The following TIAM1 variants were observed in gnomAD, a reference collection of about 807,000 sequenced individuals.
The protein encoded by TIAM1 is rho guanine nucleotide exchange factor TIAM1.
Under a neutral mutation model 163.5 loss-of-function variants are expected in TIAM1, and 65 were observed. That is an observed-to-expected ratio of 0.40 (90% CI 0.33 to 0.49). TIAM1 has a LOEUF of 0.49. TIAM1 is among the 20% of genes least tolerant of loss of function. The probability of loss-of-function intolerance (pLI) is 0.77; values close to 1 mark genes in which losing one functional copy is unlikely to be tolerated. For synonymous variants in TIAM1, 833 were observed against 810.1 expected, an observed-to-expected ratio of 1.03 and a Z score of -0.48; for missense variants, 1,789 against 2,044.7, an observed-to-expected ratio of 0.87 and a Z score of 2.41.
chr21:31,553,879 C>G (rs2123329254), intron 1 of TIAM1, among the ~76,000 whole-genome samples: 1 of 152,294 alleles, frequency 6.6e-6, no homozygotes, highest in East Asian at 1.9e-4. Context: ...TCCCCTTCCC[C>G]TAGCGAAGAG....
chr21:31,147,778 TTATATTAAA>T (rs2083200812), intron 19 of TIAM1, among the ~76,000 whole-genome samples: 1 of 137,850 alleles, frequency 7.3e-6, no homozygotes, highest in Non-Finnish European at 1.6e-5. Flanking sequence ...TATTAATATA[TTATATTAAA>T]ATATATATAT....
chr21:31,164,546 CAA>C (rs1466176608), intron 16 of TIAM1, among the ~76,000 whole-genome samples: 1 of 152,102 alleles, frequency 6.6e-6, no homozygotes, highest in Non-Finnish European at 1.5e-5. Flanking sequence ...TCACTTTTAA[CAA>C]GAGCTGAATG....
intron 1 of TIAM1, among the ~76,000 whole-genome samples, chr21:31,342,129 T>A (rs1000162743): frequency 6.6e-6 from 1 of 151,874 alleles, no homozygotes; most frequent in Admixed American, 6.6e-5. Flanking sequence ...TTTAATGATC[T>A]AGTATCTATT....
chr21:31,137,214 T>C (rs1331159487), intron 22 of TIAM1, among the ~76,000 whole-genome samples: 1 of 152,238 alleles, frequency 6.6e-6, no homozygotes, highest in East Asian at 1.9e-4. Flanking sequence ...GCAGTTTGGA[T>C]TGCCCTTCTC....
intron 1 of TIAM1, among the ~76,000 whole-genome samples, chr21:31,507,371 A>T: frequency 6.7e-6 from 1 of 150,352 alleles, no homozygotes; most frequent in African/African-American, 2.4e-5. Context: ...TGCCCCGCTA[A>T]TTTTTTTGTA....
At chr21:31,366,977 C>T (rs1347410207) in intron 2 of TIAM1, among the ~76,000 whole-genome samples, 2 of 152,040 alleles carry the variant, frequency 1.3e-5, no homozygotes, top group Non-Finnish European at 2.9e-5. Flanking sequence ...AATCTGTATA[C>T]AAAGGGAATA....
intron 1 of TIAM1, among the ~76,000 whole-genome samples, chr21:31,487,889 G>A (rs181939106): frequency 1.3e-5 from 2 of 151,344 alleles, no homozygotes; most frequent in Admixed American, 6.6e-5. Flanking sequence ...ATGAGGTTTC[G>A]CCATGTTGGC....
rs539428068 is a variant in TIAM1 at position 31,288,473 on chromosome 21, G to A, written c.-188-11565C>T. Among the ~76,000 whole-genome samples, 16 of 152,220 alleles carry A rather than the reference G, an allele frequency of 1.1e-4. No individual in the cohort carries two copies. In the South Asian group the frequency reaches 3.1e-3, roughly 30 times the overall value. On this transcript the variant is annotated intron_variant, in intron 2 of 27. Transcript: ENST00000541036. ...CCTCTCCTGATAGAAAGGGCAAACA[G>A]GCTCCTTCAAGTCTCTTTCATAAGG...
intron 1 of TIAM1, among the ~76,000 whole-genome samples, chr21:31,544,014 A>T (rs145015623): frequency 3.6e-4 from 54 of 151,942 alleles, no homozygotes; most frequent in Non-Finnish European, 5.6e-4. Context: ...GTTCAAGACC[A>T]ACCTGGCGAA....
intron 1 of TIAM1, among the ~76,000 whole-genome samples, chr21:31,339,852 G>C (rs1165896633): frequency 6.6e-6 from 1 of 152,058 alleles, no homozygotes; most frequent in Non-Finnish European, 1.5e-5. Context: ...GCTAACACTT[G>C]TTTTCAAGCA....
intron 1 of TIAM1, among the ~76,000 whole-genome samples, chr21:31,465,433 T>C (rs2045487465): frequency 6.6e-6 from 1 of 151,908 alleles, no homozygotes; most frequent in Non-Finnish European, 1.5e-5. Context: ...GGAACAGCTT[T>C]CAAAGAAAGA....
intron 6 of TIAM1, among the ~76,000 whole-genome samples, chr21:31,232,903 T>C (rs1204655602): frequency 6.6e-6 from 1 of 151,840 alleles, no homozygotes; most frequent in Non-Finnish European, 1.5e-5. Flanking sequence ...CTGGAGATGC[T>C]ATAAATACTG....
chr21:31,345,941 ACT>A (rs1181064151), upstream of TIAM1, among the ~76,000 whole-genome samples: 2 of 152,118 alleles, frequency 1.3e-5, no homozygotes, highest in Non-Finnish European at 2.9e-5. Context: ...ACGGAGTGAG[ACT>A]CTGTCTTGAA....
chr21:31,479,646 C>T (rs912055754), intron 1 of TIAM1, among the ~76,000 whole-genome samples: 1 of 152,098 alleles, frequency 6.6e-6, no homozygotes, highest in Non-Finnish European at 1.5e-5. Context: ...ACAAATCAGG[C>T]CTCTTTATTC....
intron 2 of TIAM1, among the ~76,000 whole-genome samples, chr21:31,393,258 C>T (rs932973607): frequency 1.3e-5 from 2 of 152,238 alleles, no homozygotes; most frequent in African/African-American, 4.8e-5. Flanking sequence ...GCCCAGCCCT[C>T]GCTTTAAAAA....
At chr21:31,540,745 A>C (rs2048297227) in intron 1 of TIAM1, among the ~76,000 whole-genome samples, 1 of 152,174 alleles carries the variant, frequency 6.6e-6, no homozygotes, top group Non-Finnish European at 1.5e-5. Context: ...TTTTGCTCTG[A>C]GGCGTAAGAA....
chr21:31,443,533 T>C (rs762109103), intron 2 of TIAM1, among the ~76,000 whole-genome samples: 2 of 152,208 alleles, frequency 1.3e-5, no homozygotes, highest in Non-Finnish European at 2.9e-5. Context: ...CTCTCTTGCC[T>C]TCCTTGCAAA....
intron 2 of TIAM1, among the ~76,000 whole-genome samples, chr21:31,363,882 A>C (rs1289904146): frequency 6.6e-6 from 1 of 152,070 alleles, no homozygotes; most frequent in Non-Finnish European, 1.5e-5. Flanking sequence ...ATGCAATGAA[A>C]CCACAGGAAA....
At chr21:31,450,695 T>A (rs2044799426) in intron 2 of TIAM1, among the ~76,000 whole-genome samples, 1 of 152,200 alleles carries the variant, frequency 6.6e-6, no homozygotes, top group African/African-American at 2.4e-5. Flanking sequence ...TCCACATGGC[T>A]GGGGAGGCCT....
Sources: allele counts gnomAD v4.1 joint callset (sites outside exome capture counted in the v4.1 genomes callset), GRCh38; gene constraint gnomAD v4.1.1; transcripts MANE v1.5; gene names NCBI Gene and HGNC (gene_info 2026-07-23, HGNC 2026-07-21).